Variants in ZNF423 observed in about 807,000 individuals in gnomAD.
ZNF423 encodes the protein Ebf-associated zinc finger protein.
ZNF423 carries 12 observed loss-of-function variants against 95.8 expected under a neutral mutation model. The ratio of observed to expected loss-of-function variants is 0.13; its 90% CI spans 0.08 to 0.20. ZNF423 has a LOEUF of 0.20. Ranked by LOEUF, ZNF423 falls within the 10% of genes least tolerant of loss-of-function variation. The pLI, the probability that ZNF423 is intolerant of heterozygous loss-of-function variation, is 1.00. For missense variants in ZNF423, 1,316 were observed against 1,737.1 expected (o/e 0.76, Z 4.31); for synonymous variants, 749 against 711.9 (o/e 1.05, Z -0.83).
intron 1 of ZNF423, among the ~76,000 whole-genome samples, chr16:49,791,093 T>C (rs192858661): frequency 6.6e-6 from 1 of 152,296 alleles, no homozygotes; most frequent in Non-Finnish European, 1.5e-5. Flanking sequence ...AAACAGCACA[T>C]GCAAGAGGGA....
At chr16:49,514,902 C>T (rs1317917999) in intron 7 of ZNF423, among the ~76,000 whole-genome samples, 2 of 152,180 alleles carry the variant, frequency 1.3e-5, no homozygotes, top group African/African-American at 2.4e-5. Context: ...CACATACACG[C>T]GCTGTGAACT....
intron 5 of ZNF423, among the ~76,000 whole-genome samples, chr16:49,539,658 C>T (rs1363164990): frequency 1.3e-5 from 2 of 152,196 alleles, no homozygotes; most frequent in African/African-American, 4.8e-5. Context: ...GAGGCAGGCA[C>T]TGTGCAAGGT....
chr16:49,567,199 T>A (rs1365558873), intron 5 of ZNF423, among the ~76,000 whole-genome samples: 1 of 152,196 alleles, frequency 6.6e-6, no homozygotes. Context: ...GACTAGGGAC[T>A]CTGACAAACT....
chr16:49,803,083 C>T (rs956937645), intron 1 of ZNF423, among the ~76,000 whole-genome samples: 4 of 151,706 alleles, frequency 2.6e-5, no homozygotes, highest in African/African-American at 7.3e-5. Flanking sequence ...ATCGAGATTC[C>T]GTCTCTACAG....
At chr16:49,566,140 C>T (rs1970181451) in intron 5 of ZNF423, among the ~76,000 whole-genome samples, 1 of 152,208 alleles carries the variant, frequency 6.6e-6, no homozygotes, top group South Asian at 2.1e-4. Flanking sequence ...AGACTTCCAT[C>T]ACCAGCGGAG....
chr16:49,539,668 T>C (rs113547922), intron 5 of ZNF423, among the ~76,000 whole-genome samples: 6,755 of 152,006 alleles, frequency 0.044, 524 homozygotes, highest in African/African-American at 0.16. Context: ...CTGTGCAAGG[T>C]GGTGGGTGTG....
intron 2 of ZNF423, among the ~76,000 whole-genome samples, chr16:49,735,582 C>A (rs2033266292): frequency 6.6e-6 from 1 of 152,228 alleles, no homozygotes; most frequent in Non-Finnish European, 1.5e-5. Context: ...CCTTGACCAA[C>A]AGGATGCAAC....
intron 3 of ZNF423, among the ~76,000 whole-genome samples, chr16:49,719,321 T>A (rs1194678721): frequency 6.6e-6 from 1 of 152,220 alleles, no homozygotes. Context: ...ACTGAGGTTT[T>A]AGAGCTATAC....
chr16:49,596,620 A>C (rs949171261), intron 5 of ZNF423, among the ~76,000 whole-genome samples: 1 of 152,214 alleles, frequency 6.6e-6, no homozygotes, highest in African/African-American at 2.4e-5. Context: ...TACTTATGAA[A>C]AACCCTGGAG....
intron 5 of ZNF423, among the ~76,000 whole-genome samples, chr16:49,620,862 C>A (rs990262331): frequency 6.6e-6 from 1 of 152,208 alleles, no homozygotes; most frequent in South Asian, 2.1e-4. Context: ...CAGACTCAGG[C>A]CCTGCCCCCC....
At chr16:49,607,801 C>A (rs1178824016) in intron 5 of ZNF423, among the ~76,000 whole-genome samples, 1 of 152,228 alleles carries the variant, frequency 6.6e-6, no homozygotes, top group Non-Finnish European at 1.5e-5. Flanking sequence ...CCAAATGCTA[C>A]AATTCCACAA....
chr16:49,632,929 T>C (rs1240635908), intron 4 of ZNF423, among the ~76,000 whole-genome samples: 1 of 152,100 alleles, frequency 6.6e-6, no homozygotes, highest in Non-Finnish European at 1.5e-5. Context: ...GTGATCTGGG[T>C]TGAGGGGCAC....
intron 1 of ZNF423, among the ~76,000 whole-genome samples, chr16:49,793,265 T>C (rs554954275): frequency 6.6e-6 from 1 of 152,234 alleles, no homozygotes; most frequent in African/African-American, 2.4e-5. Flanking sequence ...CAACTGGAGC[T>C]GGGGACAGGT....
chr16:49,840,381 C>T (rs1386915565), intron 1 of ZNF423, among the ~76,000 whole-genome samples: 1 of 152,096 alleles, frequency 6.6e-6, no homozygotes, highest in Non-Finnish European at 1.5e-5. Context: ...TTGGGAAATG[C>T]CAATATAAAT....
At chr16:49,830,439 C>T (rs2035049526) in intron 1 of ZNF423, among the ~76,000 whole-genome samples, 1 of 152,156 alleles carries the variant, frequency 6.6e-6, no homozygotes, top group South Asian at 2.1e-4. Flanking sequence ...TTCTTTCTTG[C>T]TGGCCTAATT....
intron 1 of ZNF423, among the ~76,000 whole-genome samples, chr16:49,823,840 C>T (rs2034975172): frequency 6.6e-6 from 1 of 152,100 alleles, no homozygotes; most frequent in South Asian, 2.1e-4. Flanking sequence ...GTGACTGACA[C>T]CTGTAATCCC....
chr16:49,707,578 T>C (rs1289297947), intron 3 of ZNF423, among the ~76,000 whole-genome samples: 3 of 149,820 alleles, frequency 2.0e-5, no homozygotes, highest in Non-Finnish European at 4.4e-5. Flanking sequence ...GACCACGCCA[T>C]TGCACTCCAG....
upstream of ZNF423, among the ~76,000 whole-genome samples, chr16:49,856,753 C>T (rs1229441722): frequency 3.4e-5 from 5 of 147,864 alleles, no homozygotes; most frequent in South Asian, 6.2e-4. Context: ...TCAGCCCGTG[C>T]GCCGGGCCGC....
intron 3 of ZNF423, among the ~76,000 whole-genome samples, chr16:49,676,953 C>T (rs985474446): frequency 6.6e-6 from 1 of 152,066 alleles, no homozygotes; most frequent in Non-Finnish European, 1.5e-5. Context: ...CCTGGTGGCT[C>T]ATGCCAGTAA....
Sources: allele counts gnomAD v4.1 joint callset (sites outside exome capture counted in the v4.1 genomes callset), GRCh38; gene constraint gnomAD v4.1.1; transcripts MANE v1.5; gene names NCBI Gene and HGNC (gene_info 2026-07-23, HGNC 2026-07-21).